SORBS2: variants seen among roughly 807,000 people sequenced by gnomAD.
SORBS2 encodes sorbin and SH3 domain containing 2.
SORBS2 carries 46 observed loss-of-function variants against 97.7 expected under a neutral mutation model. The observed-to-expected ratio is 0.47, with a 90% CI of 0.37 to 0.60. SORBS2 has a LOEUF of 0.60. SORBS2 is among the 20% of genes least tolerant of loss of function. The probability of loss-of-function intolerance (pLI) is 0.00; values close to 1 mark genes in which losing one functional copy is unlikely to be tolerated. For missense variants in SORBS2, 1,316 were observed against 1,282.3 expected, an observed-to-expected ratio of 1.03 and a Z score of -0.40; for synonymous variants, 476 against 473.4, an observed-to-expected ratio of 1.01 and a Z score of -0.07.
chr4:185,799,863 G>A (rs190716898), intron 1 of SORBS2, among the ~76,000 whole-genome samples: 154 of 152,182 alleles, frequency 1.0e-3, no homozygotes, highest in African/African-American at 3.5e-3. Flanking sequence ...CACTGCAATC[G>A]GCTTTCTAAA....
At chr4:185,677,560 G>C in intron 4 of SORBS2, 1 of 1,546,382 alleles carries the variant, frequency 6.5e-7, no homozygotes, top group East Asian at 2.4e-5. Flanking sequence ...GTTACTAACT[G>C]GTCTAAAATG....
At chr4:185,632,645 G>A (rs1159787074) in intron 4 of SORBS2, among the ~76,000 whole-genome samples, 1 of 152,200 alleles carries the variant, frequency 6.6e-6, no homozygotes, top group East Asian at 1.9e-4. Context: ...CTCACACACA[G>A]CTGATCACCA....
chr4:185,727,233 C>T (rs1012325698), intron 2 of SORBS2, among the ~76,000 whole-genome samples: 1 of 152,174 alleles, frequency 6.6e-6, no homozygotes, highest in African/African-American at 2.4e-5. Flanking sequence ...TTCTCATCCC[C>T]TCTGAAGAGT....
chr4:185,873,595 A>G (rs1377333298), intron 1 of SORBS2, among the ~76,000 whole-genome samples: 1 of 152,234 alleles, frequency 6.6e-6, no homozygotes, highest in Non-Finnish European at 1.5e-5. Context: ...AGAGCTGATC[A>G]AAAGGGTAGA....
In SORBS2 at chr4:185,751,190, A is replaced by AAAAAAAAAAAAAAG; in HGVS notation, c.-198+24036_-198+24037insCTTTTTTTTTTTTT. Among the ~76,000 whole-genome samples the AAAAAAAAAAAAAAG allele has an allele frequency of 4.9e-4, 42 of 86,500 alleles. 2 individuals carry two copies. The highest frequency in any genetic ancestry group is 1.4e-3 in the South Asian group (3 of 2,130). 56.7% of individuals were successfully genotyped at this position (86,500 alleles called of 152,430 possible). A position where few individuals can be genotyped will look rare whatever the true frequency, so the allele number is the denominator to read the frequency against. On this transcript the variant is annotated intron_variant, in intron 2 of 20. Transcript: ENST00000284776. ...TAAATACTAAAAAAAAAAAAAAAAA[A>AAAAAAAAAAAAAAG]AGAGAAAGAGAGAGAAATTCAGGAA...
At chr4:185,794,684 T>C (rs1393651422) in intron 1 of SORBS2, among the ~76,000 whole-genome samples, 2 of 151,616 alleles carry the variant, frequency 1.3e-5, no homozygotes, top group Non-Finnish European at 2.9e-5. Flanking sequence ...TTTCTATAAG[T>C]AGAATGATAA....
intron 1 of SORBS2, among the ~76,000 whole-genome samples, chr4:185,895,717 C>T (rs1426111152): frequency 6.6e-6 from 1 of 152,198 alleles, no homozygotes; most frequent in Admixed American, 6.5e-5. Flanking sequence ...AACTTTGCCT[C>T]AACAATAAGA....
At position 185,750,625 on chromosome 4, in the gene SORBS2, G is replaced by A. The variant is rs72703807; in HGVS notation, c.-198+24602C>T. Among the ~76,000 whole-genome samples, 1,232 of 152,320 alleles carry A rather than the reference G, an allele frequency of 8.1e-3. 9 individuals carry two copies. The highest frequency in any genetic ancestry group is 0.013 in the Admixed American group (196 of 15,308). On this transcript the variant is annotated intron_variant, in intron 2 of 20. Transcript: ENST00000284776. ...AGCTGGCTAATACACTCCTTACACAGTTATTTGGTACCATATTGAAAATAC... is the reference window on the plus strand; with the variant it reads ...AGCTGGCTAATACACTCCTTACACAATTATTTGGTACCATATTGAAAATAC...
At chr4:185,885,333 C>T (rs1033231017) in intron 1 of SORBS2, among the ~76,000 whole-genome samples, 3 of 152,220 alleles carry the variant, frequency 2.0e-5, no homozygotes, top group African/African-American at 7.2e-5. Flanking sequence ...CCCCGGGCAC[C>T]TGCTGTCTTT....
At chr4:185,812,635 A>G (rs2099188787) in intron 1 of SORBS2, among the ~76,000 whole-genome samples, 1 of 151,994 alleles carries the variant, frequency 6.6e-6, no homozygotes, top group South Asian at 2.1e-4. Flanking sequence ...CGGGAGAGTT[A>G]CACTTTTTGT....
intron 2 of SORBS2, among the ~76,000 whole-genome samples, chr4:185,694,427 C>T (rs149658108): frequency 1.2e-4 from 18 of 152,232 alleles, no homozygotes; most frequent in African/African-American, 4.1e-4. Flanking sequence ...AAGAAGTCTC[C>T]GAACATGAAG....
intron 2 of SORBS2, among the ~76,000 whole-genome samples, chr4:185,742,913 C>A (rs1477178854): frequency 6.6e-6 from 1 of 152,176 alleles, no homozygotes; most frequent in African/African-American, 2.4e-5. Flanking sequence ...CTGACACACT[C>A]CACAGCTGCA....
chr4:185,750,488 T>C (rs1157001857), intron 2 of SORBS2, among the ~76,000 whole-genome samples: 1 of 152,206 alleles, frequency 6.6e-6, no homozygotes, highest in Non-Finnish European at 1.5e-5. Flanking sequence ...CTAAGATTAT[T>C]ACACATGCTG....
At chr4:185,732,467 T>C (rs2098648872) in intron 2 of SORBS2, among the ~76,000 whole-genome samples, 2 of 152,196 alleles carry the variant, frequency 1.3e-5, no homozygotes, top group Non-Finnish European at 2.9e-5. Flanking sequence ...AAAGTGCCTA[T>C]GTGACTGTGA....
intron 1 of SORBS2, among the ~76,000 whole-genome samples, chr4:185,874,922 T>C (rs892780762): frequency 1.1e-4 from 16 of 151,750 alleles, no homozygotes; most frequent in Admixed American, 3.9e-4. Flanking sequence ...TATGTGAATA[T>C]TTATATTTTA....
chr4:185,848,142 G>A (rs147401539), intron 1 of SORBS2, among the ~76,000 whole-genome samples: 23 of 152,274 alleles, frequency 1.5e-4, no homozygotes, highest in Admixed American at 4.6e-4. Flanking sequence ...TATGAGTACA[G>A]TGGAATGGAG....
chr4:185,819,999 T>G (rs2099195726), intron 1 of SORBS2, among the ~76,000 whole-genome samples: 1 of 152,308 alleles, frequency 6.6e-6, no homozygotes, highest in African/African-American at 2.4e-5. Context: ...CTGAGGGCGG[T>G]TGTGGCAATT....
intron 4 of SORBS2, 47 bp from the exon 14 acceptor site, chr4:185,639,082 T>C: frequency 1.4e-6 from 2 of 1,468,608 alleles, no homozygotes; most frequent in Non-Finnish European, 1.8e-6. Context: ...ATGGAGGCTC[T>C]GGGCGGAACC....
chr4:185,594,198 C>T (rs1293254253), intron 12 of SORBS2, among the ~76,000 whole-genome samples: 3 of 152,136 alleles, frequency 2.0e-5, no homozygotes, highest in Non-Finnish European at 4.4e-5. Context: ...AAGGAAAAGT[C>T]AGGGTTTGGT....
Sources: gnomAD v4.1 joint callset for allele counts (sites outside exome capture counted in the v4.1 genomes callset) on GRCh38, gnomAD v4.1.1 for gene constraint, MANE v1.5 for transcripts, NCBI Gene and HGNC (gene_info 2026-07-23, HGNC 2026-07-21) for gene names.